The following ADARB2 variants were observed in gnomAD, a reference collection of about 807,000 sequenced individuals.
ADARB2 encodes the protein inactive double-stranded RNA-specific editase B2.
In ADARB2, 25 loss-of-function variants were observed where a neutral mutation model predicts 62.2. The ratio of observed to expected loss-of-function variants is 0.40; its 90% CI spans 0.29 to 0.56. The LOEUF is 0.56. Among genes scored for constraint, ADARB2 ranks in the 20% least tolerant of loss-of-function variants. The probability of loss-of-function intolerance (pLI) is 0.43; values close to 1 mark genes in which losing one functional copy is unlikely to be tolerated. For missense variants in ADARB2, 1,071 were observed against 1,077.4 expected, an observed-to-expected ratio of 0.99 and a Z score of 0.08; for synonymous variants, 572 against 500.8, an observed-to-expected ratio of 1.14 and a Z score of -1.90.
intron 8 of ADARB2, chr10:1,186,584 C>T (rs1198993498): frequency 7.7e-6 from 4 of 518,534 alleles, no homozygotes; most frequent in Non-Finnish European, 1.5e-5. Context: ...CCTCTCCAGC[C>T]CTTCCTGCCT....
intron 1 of ADARB2, among the ~76,000 whole-genome samples, chr10:1,685,176 C>T (rs547960845): frequency 2.0e-5 from 3 of 152,202 alleles, no homozygotes; most frequent in South Asian, 2.1e-4. Context: ...GCCCGGGGTG[C>T]GAGCTGTGTG....
intron 6 of ADARB2, among the ~76,000 whole-genome samples, chr10:1,225,805 G>A (rs1291462351): frequency 1.3e-5 from 2 of 151,988 alleles, no homozygotes; most frequent in Non-Finnish European, 2.9e-5. Context: ...GGGTCCCTTT[G>A]TGGGTAACCC....
intron 1 of ADARB2, among the ~76,000 whole-genome samples, chr10:1,638,168 T>A (rs1833937406): frequency 1.3e-5 from 2 of 152,228 alleles, no homozygotes; most frequent in Admixed American, 1.3e-4. Flanking sequence ...ATGAAGCAAC[T>A]TTTAATCATT....
intron 1 of ADARB2, among the ~76,000 whole-genome samples, chr10:1,452,125 A>G (rs909453031): frequency 6.6e-6 from 1 of 152,194 alleles, no homozygotes; most frequent in Admixed American, 6.5e-5. Context: ...CACCACCTTC[A>G]GATTTGGCCG....
chr10:1,229,219 G>A (rs1033218372), intron 6 of ADARB2, among the ~76,000 whole-genome samples: 3 of 152,128 alleles, frequency 2.0e-5, no homozygotes, highest in Non-Finnish European at 2.9e-5. Context: ...AATAAAATAG[G>A]GCCATCTAGA....
chr10:1,275,510 CTTTTCTTT>C lies in ADARB2; in HGVS notation c.1078-4449_1078-4442del, dbSNP rs1377060211. On this transcript the variant is annotated intron_variant, in intron 3 of 9. Transcript: ENST00000381312. ...ACAGCCAGTCTTTCTTTCTTTCCTT[CTTTTCTTT>C]TTTTTTAATTTAAGTTTTAGGGTAC... Among the ~76,000 whole-genome samples the C allele has an allele frequency of 2.2e-5, 3 of 137,508 alleles. No individual in the cohort carries two copies. The East Asian group carries it at 7.1e-4, about 33-fold the overall frequency. 90.2% of individuals were successfully genotyped at this position (137,508 alleles called of 152,430 possible).
chr10:1,301,364 G>T (rs142398879), intron 3 of ADARB2, among the ~76,000 whole-genome samples: 2 of 152,216 alleles, frequency 1.3e-5, no homozygotes, highest in African/African-American at 4.8e-5. Flanking sequence ...AACAGAGGGG[G>T]ATAGCAGCCT....
intron 3 of ADARB2, among the ~76,000 whole-genome samples, chr10:1,318,852 C>T (rs111738770): frequency 0.033 from 5,081 of 152,220 alleles, 126 homozygotes; most frequent in Non-Finnish European, 0.052. Flanking sequence ...CACAAATTCC[C>T]GTGGTGGGTA....
At chr10:1,607,064 A>G (rs540766391) in intron 1 of ADARB2, among the ~76,000 whole-genome samples, 2 of 152,260 alleles carry the variant, frequency 1.3e-5, no homozygotes, top group African/African-American at 2.4e-5. Flanking sequence ...TGGACAGGTA[A>G]CAATATACAC....
intron 1 of ADARB2, among the ~76,000 whole-genome samples, chr10:1,727,258 G>A (rs866319295): frequency 6.6e-6 from 1 of 152,092 alleles, no homozygotes; most frequent in Admixed American, 6.5e-5. Flanking sequence ...CCCAACAAAG[G>A]AGGAAGCACC....
At chr10:1,653,495 G>A (rs1196689942) in intron 1 of ADARB2, among the ~76,000 whole-genome samples, 4 of 152,100 alleles carry the variant, frequency 2.6e-5, no homozygotes, top group East Asian at 1.9e-4. Context: ...CTCTCCACCC[G>A]ACGCCTTGTG....
intron 1 of ADARB2, among the ~76,000 whole-genome samples, chr10:1,613,162 A>C (rs949551447): frequency 1.3e-5 from 2 of 152,178 alleles, no homozygotes; most frequent in Non-Finnish European, 2.9e-5. Flanking sequence ...CCAGAGTAAG[A>C]TCTGTGGAAG....
chr10:1,575,291 G>A (rs1294149330), intron 1 of ADARB2, among the ~76,000 whole-genome samples: 1 of 152,062 alleles, frequency 6.6e-6, no homozygotes, highest in Admixed American at 6.5e-5. Flanking sequence ...CTAAGAAGCT[G>A]CTATAAATTA....
intron 6 of ADARB2, among the ~76,000 whole-genome samples, chr10:1,217,337 A>G (rs1830641581): frequency 6.6e-6 from 1 of 152,196 alleles, no homozygotes; most frequent in Non-Finnish European, 1.5e-5. Context: ...GTCAAGGGTC[A>G]GGGAGTAAAA....
intron 2 of ADARB2, among the ~76,000 whole-genome samples, chr10:1,371,987 T>G (rs943890559): frequency 6.6e-6 from 1 of 151,964 alleles, no homozygotes; most frequent in African/African-American, 2.4e-5. Flanking sequence ...AAGAAAATCA[T>G]TACATAAAAA....
intron 6 of ADARB2, among the ~76,000 whole-genome samples, chr10:1,229,417 A>T (rs1348065870): frequency 1.2e-4 from 18 of 152,146 alleles, no homozygotes. Context: ...GCCACCAGAG[A>T]GTCAGAAGTG....
intron 1 of ADARB2, among the ~76,000 whole-genome samples, chr10:1,380,532 C>T (rs1832473819): frequency 6.6e-6 from 1 of 152,202 alleles, no homozygotes; most frequent in Admixed American, 6.5e-5. Flanking sequence ...CTTCAGGCGT[C>T]CAGACTCAGC....
intron 4 of ADARB2, among the ~76,000 whole-genome samples, chr10:1,257,288 C>A (rs1831088601): frequency 6.6e-6 from 1 of 152,212 alleles, no homozygotes; most frequent in South Asian, 2.1e-4. Flanking sequence ...GCCCTGAACC[C>A]ACTGTCGATT....
rs1831617222 is a variant in ADARB2, at chr10:1,305,386, G to C, written c.1078-34317C>G. On this transcript the variant is annotated intron_variant, in intron 3 of 9. Transcript: ENST00000381312. ...GAATCTCTGAATAGACCAGTAACAG[G>C]ATCTGAAATTGGGGCAATAATCAAT... 2.6e-5 allele frequency among the ~76,000 whole-genome samples: 4 copies of C among 151,942 alleles called. No individual in the cohort carries two copies. The South Asian group carries it at 8.3e-4, about 32-fold the overall frequency.
Sources: gnomAD v4.1 joint callset for allele counts (sites outside exome capture counted in the v4.1 genomes callset) on GRCh38, gnomAD v4.1.1 for gene constraint, MANE v1.5 for transcripts, NCBI Gene and HGNC (gene_info 2026-07-23, HGNC 2026-07-21) for gene names.